CEP78: variants seen among roughly 807,000 people sequenced by gnomAD.
CEP78 encodes centrosomal protein of 78 kDa.
CEP78 carries 76 observed loss-of-function variants against 81.2 expected under a neutral mutation model. That is an observed-to-expected ratio of 0.94 (90% CI 0.78 to 1.13). The LOEUF (loss-of-function observed/expected upper bound fraction) is 1.13. Among genes scored for constraint, CEP78 ranks in the 50% most tolerant of loss-of-function variants. CEP78 has a pLI of 0.00. For synonymous variants in CEP78, 293 were observed against 301.4 expected (o/e 0.97, Z 0.29); for missense variants, 918 against 846.8 (o/e 1.08, Z -1.04).
At chr9:78,256,878 G>C (rs575782053) in intron 11 of CEP78, among the ~76,000 whole-genome samples, 6 of 152,212 alleles carry the variant, frequency 3.9e-5, no homozygotes, top group Non-Finnish European at 8.8e-5. Context: ...AAAAGAAATA[G>C]GGTGTTGTTT....
chr9:78,265,078 C>G (rs1230495293), intron 13 of CEP78, among the ~76,000 whole-genome samples: 1 of 133,690 alleles, frequency 7.5e-6, no homozygotes, highest in Admixed American at 7.5e-5. Flanking sequence ...GCAGCTTCTA[C>G]TGAGACAGTA....
chr9:78,248,463 T>C (rs1194774573), intron 7 of CEP78, 108 bp downstream of exon 7: 69 of 720,256 alleles, frequency 9.6e-5, no homozygotes, highest in Non-Finnish European at 1.7e-5. Context: ...TCCAGTGATC[T>C]TCCCCCTTCC....
intron 11 of CEP78, among the ~76,000 whole-genome samples, chr9:78,259,494 A>G (rs1011479286): frequency 1.3e-5 from 2 of 152,126 alleles, no homozygotes; most frequent in Non-Finnish European, 2.9e-5. Flanking sequence ...GATTTAAAAA[A>G]CCTGCTTAAA....
At chr9:78,244,134 C>CT (rs971743733) in intron 5 of CEP78, among the ~76,000 whole-genome samples, 3,518 of 110,532 alleles carry the variant, frequency 0.032, 101 homozygotes, top group African/African-American at 0.069. Context: ...ATTGAAGTTA[C>CT]TTTTTTTTTT....
At position 78,265,354 on chromosome 9, in the gene CEP78, T is replaced by G. The variant is rs1348939936; in HGVS notation, c.1626-18T>G. On this transcript the variant is annotated intron_variant, in intron 13 of 16. Transcript: ENST00000643273. ...TCTAGTAATCCTTGCCTTTTCCTCC[T>G]TTTCTTCTCTCGACCAGGCTTGGGC... The G allele has an allele frequency of 7.0e-6, 11 of 1,562,478 alleles. No individual in the cohort carries two copies. Among genetic ancestry groups the G allele is most frequent in the Non-Finnish European group, 9.5e-6 (11 of 1,159,196 alleles).
At chr9:78,253,030 A>G (rs1415290003) in intron 9 of CEP78, among the ~76,000 whole-genome samples, 1 of 152,208 alleles carries the variant, frequency 6.6e-6, no homozygotes, top group Non-Finnish European at 1.5e-5. Flanking sequence ...CTGCATCTTC[A>G]GAGTCTTATC....
rs1826847602 is a variant in CEP78, at chr9:78,253,232, G to T, written c.1206G>T (p.Arg402Ser). 7.7e-7 allele frequency: 1 copy of T among 1,294,998 alleles called. No homozygotes were observed. Among genetic ancestry groups the T allele is most frequent in the Non-Finnish European group, 1.1e-6 (1 of 905,168 alleles). 80.2% of individuals were successfully genotyped at this position (1,294,998 alleles called of 1,614,324 possible). ...ACTTAATTTATCGATATCTTTTTAG[G>T]GGTTTCCCATTAATCAAAACACGTG... ...WRTAERAKRH[R>S]GFPLIKTRDI... Residue 402 changes from arginine (R) to serine (S), a missense_variant and splice_region_variant, in exon 10 of 17, where the codon AGG becomes AGT. Transcript: ENST00000643273.
At chr9:78,259,279 A>G (rs1390504346) in intron 11 of CEP78, among the ~76,000 whole-genome samples, 1 of 152,116 alleles carries the variant, frequency 6.6e-6, no homozygotes, top group African/African-American at 2.4e-5. Flanking sequence ...ATTGTTAGGG[A>G]TGCATGCATA....
chr9:78,275,313 T>C lies in CEP78; in HGVS notation c.*4462T>C, dbSNP rs1322442026. 1.3e-5 allele frequency: 2 copies of C among 152,074 alleles called. No homozygotes were observed. The highest frequency in any genetic ancestry group is 2.9e-5 in the Non-Finnish European group (2 of 67,996). 9.4% of individuals were successfully genotyped at this position (152,074 alleles called of 1,614,324 possible). ...TGAAAAAATAGGACAAGAACTTATT[T>C]TTAAAAAGAGGCCAGGTGCGGTGGC... On this transcript the variant is annotated 3_prime_UTR_variant, in exon 17 of 17. Coordinates refer to ENST00000643273, the MANE Select transcript of CEP78 (RefSeq NM_001330691.3).
chr9:78,236,771 G>T, intron 1 of CEP78, 168 bp downstream of exon 1: 1 of 804,380 alleles, frequency 1.2e-6, no homozygotes. Flanking sequence ...GTGCTCATCC[G>T]TAACATGGGC....
Position 78,266,464 on chromosome 9 carries a change from C to T in CEP78, c.1868C>T (p.Ala623Val). 6.2e-7 allele frequency: 1 copy of T among 1,605,286 alleles called. No homozygotes were observed. The highest frequency in any genetic ancestry group is 8.5e-7 in the Non-Finnish European group (1 of 1,174,518). The part of the protein sequence containing the change: ...LMKFQKITGD[A>V]RIPLPLDSFP... The stretch of plus-strand genomic sequence containing the variant: ...TAGTTTCAGAAAATTACAGGTGATG[C>T]TAGAATTCCTTTGCCTCTCGACTCC... The change falls in exon 16 of 17, where the codon GCT becomes GTT. Residue 623 changes from alanine (A) to valine (V), a missense_variant. By Grantham distance (64) the Ala-to-Val change is moderately conservative (BLOSUM62 0). Transcript: ENST00000643273.
At position 78,243,232 on chromosome 9, in the gene CEP78, C is replaced by T. The variant is rs534846655; in HGVS notation, c.604-230C>T. 2.6e-5 allele frequency among the ~76,000 whole-genome samples: 4 copies of T among 152,186 alleles called. No homozygotes were observed. In the East Asian group the frequency reaches 5.8e-4, roughly 22 times the overall value. On this transcript the variant is annotated intron_variant, in intron 4 of 16. Transcript: ENST00000643273. ...TCAGTTTACATAAAGCAATCAGTAA[C>T]AGGTCATTAGTGGTTAGGGTCACAT...
chr9:78,253,559 A>C (rs1587582606), intron 10 of CEP78: 1 of 343,432 alleles, frequency 2.9e-6, no homozygotes, highest in Non-Finnish European at 5.4e-6. Context: ...ACCATTTCTC[A>C]CCCGACACAT....
At chr9:78,238,294 A>G (rs1826060268) in intron 1 of CEP78, among the ~76,000 whole-genome samples, 1 of 152,076 alleles carries the variant, frequency 6.6e-6, no homozygotes, top group Non-Finnish European at 1.5e-5. Context: ...CTCGAATGAG[A>G]TTGGGGGTGG....
At chr9:78,238,739 G>A (rs1270041605) in intron 1 of CEP78, among the ~76,000 whole-genome samples, 1 of 152,096 alleles carries the variant, frequency 6.6e-6, no homozygotes, top group Non-Finnish European at 1.5e-5. Flanking sequence ...ACCTCTGAAT[G>A]GACTTTAGTT....
intron 9 of CEP78, 74 bp downstream of exon 9, chr9:78,252,117 T>C (rs1826796742): frequency 7.5e-7 from 1 of 1,327,842 alleles, no homozygotes; most frequent in Non-Finnish European, 1.0e-6. Flanking sequence ...GCTTCTATTA[T>C]GTGAGAGTTC....
At position 78,266,599 on chromosome 9, in the gene CEP78, T is replaced by C; in HGVS notation, c.2003T>C (p.Met668Thr). 1 of 1,613,666 alleles carries C rather than the reference T, an allele frequency of 6.2e-7. No homozygotes were observed. Among genetic ancestry groups the C allele is most frequent in the Middle Eastern group, 1.6e-4 (1 of 6,062 alleles). Residue 668 changes from methionine (M) to threonine (T), a missense_variant, in exon 16 of 17, where the codon ATG becomes ACG. Transcript: ENST00000643273. ...TCTTTTGAAGGATTCATTGCTAGAATGTGTTCTCCTTCACCAGATGCGACT... is the reference window on the plus strand; with the variant it reads ...TCTTTTGAAGGATTCATTGCTAGAACGTGTTCTCCTTCACCAGATGCGACT... Reference protein sequence around the residue: ...QESFEGFIARMCSPSPDATSG... With the variant: ...QESFEGFIARTCSPSPDATSG...
rs182751876 is a variant in CEP78, at chr9:78,267,768, A to C, written c.2107+1065A>C. On this transcript the variant is annotated intron_variant, in intron 16 of 16. Transcript: ENST00000643273. ...CACCTGGGTTGAATTTTTCAAAGGC[A>C]GAGTTAGTAAGAGTATGGATATAAA... Among the ~76,000 whole-genome samples the C allele has an allele frequency of 2.6e-3, 390 of 152,298 alleles. 2 individuals are homozygous for C. Among genetic ancestry groups the C allele is most frequent in the African/African-American group, 8.7e-3 (363 of 41,572 alleles).
At chr9:78,263,741 T>C (rs1430124138) in intron 12 of CEP78, among the ~76,000 whole-genome samples, 1 of 152,132 alleles carries the variant, frequency 6.6e-6, no homozygotes, top group Non-Finnish European at 1.5e-5. Context: ...GTAAATTGGG[T>C]ATGATTTAGG....
Sources: allele counts gnomAD v4.1 joint callset (sites outside exome capture counted in the v4.1 genomes callset), GRCh38; gene constraint gnomAD v4.1.1; transcripts MANE v1.5; gene names NCBI Gene and HGNC (gene_info 2026-07-23, HGNC 2026-07-21).